The following GLI2 variants were observed in gnomAD, a reference collection of about 807,000 sequenced individuals.
GLI2 encodes GLI family zinc finger 2, also known as transcription activator GLI2.
A neutral mutation model predicts 78.9 loss-of-function variants in GLI2; 22 were observed. The observed-to-expected ratio is 0.28, with a 90% CI of 0.20 to 0.40. The LOEUF (loss-of-function observed/expected upper bound fraction) is 0.40. Among genes scored for constraint, GLI2 ranks in the 10% least tolerant of loss-of-function variants. The probability of loss-of-function intolerance (pLI) is 1.00; values close to 1 mark genes in which losing one functional copy is unlikely to be tolerated. For synonymous variants in GLI2, 974 were observed against 963.7 expected, an observed-to-expected ratio of 1.01 and a Z score of -0.20; for missense variants, 2,097 against 2,213.2, an observed-to-expected ratio of 0.95 and a Z score of 1.05.
At chr2:120,846,289 T>C (rs1026020533) in intron 2 of GLI2, among the ~76,000 whole-genome samples, 1 of 152,188 alleles carries the variant, frequency 6.6e-6, no homozygotes, top group South Asian at 2.1e-4. Flanking sequence ...TGGTGAGAGA[T>C]AGGTGGAGTT....
At chr2:120,744,435 T>A (rs1056212080) in intron 1 of GLI2, among the ~76,000 whole-genome samples, 2 of 152,228 alleles carry the variant, frequency 1.3e-5, no homozygotes, top group Admixed American at 6.5e-5. Context: ...GCTACTCTGT[T>A]ACTTCCATAC....
intron 5 of GLI2, among the ~76,000 whole-genome samples, chr2:120,960,810 C>G (rs893678885): frequency 1.3e-5 from 2 of 152,222 alleles, no homozygotes; most frequent in African/African-American, 2.4e-5. Flanking sequence ...GCCGGCAGGA[C>G]AGAGGGATTT....
chr2:120,750,971 C>T lies in GLI2; in HGVS notation c.-31+14686C>T, dbSNP rs534879224. Among the ~76,000 whole-genome samples the T allele has an allele frequency of 6.6e-5, 10 of 152,378 alleles. No individual in the cohort carries two copies. The South Asian group carries it at 1.9e-3, about 28-fold the overall frequency. On this transcript the variant is annotated intron_variant, in intron 1 of 13. Coordinates refer to ENST00000361492, the MANE Select transcript of GLI2 (RefSeq NM_001374353.1). ...TTGCTCTGCAGAGGCCTCTCCAAAG[C>T]GGGCCTTCCAGCCAGATCCCTCCGG...
chr2:120,919,402 C>T lies in GLI2; in HGVS notation c.149-7959C>T, dbSNP rs78381625. Among the ~76,000 whole-genome samples, 161 of 152,338 alleles carry T rather than the reference C, an allele frequency of 1.1e-3. 3 individuals are homozygous for T. The East Asian group carries it at 0.03, about 28-fold the overall frequency. On this transcript the variant is annotated intron_variant, in intron 2 of 13. Transcript: ENST00000361492. Reference sequence around the variant, plus strand: ...AGTCCACTCCTCACGTAAGAGTGCCCGACCCGACGCAGAGCAGGCACCCCA... The same window carrying T: ...AGTCCACTCCTCACGTAAGAGTGCCTGACCCGACGCAGAGCAGGCACCCCA...
intron 5 of GLI2, among the ~76,000 whole-genome samples, chr2:120,955,780 G>A (rs920556834): frequency 2.0e-5 from 3 of 152,176 alleles, no homozygotes; most frequent in African/African-American, 7.2e-5. Context: ...AGCGAGCACT[G>A]GGTGAGTGGG....
intron 9 of GLI2, 57 bp from the exon 10 acceptor site, chr2:120,978,377 G>C: frequency 6.2e-7 from 1 of 1,604,374 alleles, no homozygotes; most frequent in Non-Finnish European, 8.5e-7. Flanking sequence ...GACAGCAGGG[G>C]GTGGTCTGTG....
intron 2 of GLI2, among the ~76,000 whole-genome samples, chr2:120,914,716 C>G (rs184019894): frequency 1.3e-5 from 2 of 152,186 alleles, no homozygotes; most frequent in African/African-American, 4.8e-5. Flanking sequence ...ATGGCCACAC[C>G]GGCACCCTTC....
At chr2:120,794,130 T>A (rs902488514) in intron 1 of GLI2, among the ~76,000 whole-genome samples, 1 of 151,166 alleles carries the variant, frequency 6.6e-6, no homozygotes, top group Non-Finnish European at 1.5e-5. Flanking sequence ...AATACGGGGG[T>A]GTTGAGTAGG....
chr2:120,906,913 G>A (rs913252063), intron 2 of GLI2, among the ~76,000 whole-genome samples: 8 of 151,924 alleles, frequency 5.3e-5, no homozygotes, highest in African/African-American at 9.7e-5. Context: ...TGCCCTTCCC[G>A]CCCTGGTAGA....
chr2:120,954,007 A>G (rs985547990), intron 4 of GLI2, among the ~76,000 whole-genome samples: 1 of 152,154 alleles, frequency 6.6e-6, no homozygotes, highest in African/African-American at 2.4e-5. Flanking sequence ...GCCCCACGAC[A>G]TAGCAGGGAC....
At chr2:120,823,144 C>T (rs1337011615) in intron 2 of GLI2, among the ~76,000 whole-genome samples, 1 of 152,206 alleles carries the variant, frequency 6.6e-6, no homozygotes, top group African/African-American at 2.4e-5. Context: ...CGGCCGCACA[C>T]CGTCTTTGGT....
intron 1 of GLI2, among the ~76,000 whole-genome samples, chr2:120,775,151 T>C (rs1683640566): frequency 6.6e-6 from 1 of 152,078 alleles, no homozygotes; most frequent in Non-Finnish European, 1.5e-5. Flanking sequence ...CTGTGACAGC[T>C]CCTCCACTCC....
chr2:120,914,199 G>A (rs1055657267), intron 2 of GLI2, among the ~76,000 whole-genome samples: 4 of 152,224 alleles, frequency 2.6e-5, no homozygotes, highest in African/African-American at 7.2e-5. Context: ...GCCAGCTGAC[G>A]GGGTCGCCAG....
At chr2:120,954,640 G>A (rs1292931033) in intron 4 of GLI2, among the ~76,000 whole-genome samples, 1 of 152,180 alleles carries the variant, frequency 6.6e-6, no homozygotes, top group Non-Finnish European at 1.5e-5. Context: ...CCACCCTGCT[G>A]AGGGCCAGCC....
In GLI2 at chr2:120,737,610, G is replaced by A. The variant is rs769401237; in HGVS notation, c.-31+1325G>A. Among the ~76,000 whole-genome samples, 8 of 152,126 alleles carry A rather than the reference G, an allele frequency of 5.3e-5. No homozygotes were observed. The highest frequency in any genetic ancestry group is 1.0e-4 in the Non-Finnish European group (7 of 68,018). ...CCTCTGGCACGGGCTTTGCAGCTCG[G>A]TGGCCGCAGCGGTGTCCCGGGCCCC... is the stretch of plus-strand genomic sequence containing the variant. On this transcript the variant is annotated intron_variant, in intron 1 of 13. Transcript: ENST00000361492. This position sits in a 1 kb window ranked among gnomAD's most constrained non-coding sequence, Gnocchi z 4.3.
At chr2:120,836,117 C>A (rs184904113) in intron 2 of GLI2, among the ~76,000 whole-genome samples, 60 of 152,312 alleles carry the variant, frequency 3.9e-4, no homozygotes, top group Admixed American at 1.0e-3. Flanking sequence ...ATGGCCCCCC[C>A]ATCTGGGCTG....
rs574332490 is a variant in GLI2, at chr2:120,752,903, G to T, written c.-31+16618G>T. Among the ~76,000 whole-genome samples the T allele has an allele frequency of 2.0e-5, 3 of 152,258 alleles. No homozygotes were observed. In the South Asian group the frequency reaches 6.2e-4, roughly 32 times the overall value. On this transcript the variant is annotated intron_variant, in intron 1 of 13. Transcript: ENST00000361492. ...CTTCCCATTCTGTGTGTCTGGGCGGGATACCACTGTATGGTTATACCATCG... is the reference window on the plus strand; with the variant it reads ...CTTCCCATTCTGTGTGTCTGGGCGGTATACCACTGTATGGTTATACCATCG...
chr2:120,838,116 G>T (rs1247822693), intron 2 of GLI2, among the ~76,000 whole-genome samples: 1 of 152,074 alleles, frequency 6.6e-6, no homozygotes, highest in African/African-American at 2.4e-5. Context: ...CCATGATCAC[G>T]GCCTTTCTCC....
At chr2:120,945,233 G>A (rs928119984) in intron 3 of GLI2, among the ~76,000 whole-genome samples, 3 of 152,220 alleles carry the variant, frequency 2.0e-5, no homozygotes, top group Non-Finnish European at 4.4e-5. Flanking sequence ...CCGTGAGGCC[G>A]GGCTCCTGCT....
Sources: allele counts gnomAD v4.1 joint callset (sites outside exome capture counted in the v4.1 genomes callset), GRCh38; gene constraint gnomAD v4.1.1; non-coding constraint Gnocchi (gnomAD v3.1); transcripts MANE v1.5; gene names NCBI Gene and HGNC (gene_info 2026-07-23, HGNC 2026-07-21).